RPS6KA5: variants seen among roughly 807,000 people sequenced by gnomAD.
The protein encoded by RPS6KA5 is ribosomal protein S6 kinase A5, also known as ribosomal protein S6 kinase alpha-5.
A neutral mutation model predicts 85.5 loss-of-function variants in RPS6KA5; 27 were observed. The ratio of observed to expected loss-of-function variants is 0.32; its 90% CI spans 0.23 to 0.44. RPS6KA5 has a LOEUF of 0.44. RPS6KA5 is among the 20% of genes least tolerant of loss of function. RPS6KA5 has a pLI of 1.00. For missense variants in RPS6KA5, 811 were observed against 980.9 expected (o/e 0.83, Z 2.31); for synonymous variants, 334 against 348.2 (o/e 0.96, Z 0.46).
intron 3 of RPS6KA5, among the ~76,000 whole-genome samples, chr14:90,964,483 T>C (rs1434689351): frequency 6.6e-6 from 1 of 152,158 alleles, no homozygotes; most frequent in Non-Finnish European, 1.5e-5. Context: ...AGCACAGAAG[T>C]GTAGGATTTT....
chr14:90,990,919 T>C (rs1043237755), intron 2 of RPS6KA5, among the ~76,000 whole-genome samples: 1 of 152,096 alleles, frequency 6.6e-6, no homozygotes, highest in Non-Finnish European at 1.5e-5. Flanking sequence ...AAACTACATA[T>C]AGGGTACTAT....
intron 16 of RPS6KA5, among the ~76,000 whole-genome samples, chr14:90,873,058 A>G (rs1203742315): frequency 1.3e-5 from 2 of 150,608 alleles, no homozygotes; most frequent in Non-Finnish European, 3.0e-5. Context: ...TCCTTTCTCA[A>G]AATAATCCCT....
At chr14:90,994,773 C>A (rs1225571988) in intron 2 of RPS6KA5, among the ~76,000 whole-genome samples, 1 of 151,210 alleles carries the variant, frequency 6.6e-6, no homozygotes, top group Non-Finnish European at 1.5e-5. Flanking sequence ...GGGGTTTAAC[C>A]GTGTTAGCCA....
intron 12 of RPS6KA5, 80 bp downstream of exon 12, chr14:90,899,249 C>A: frequency 1.0e-6 from 1 of 972,112 alleles, no homozygotes. Context: ...GACCCAGCAG[C>A]ACCAACAAAA....
In RPS6KA5 at chr14:90,881,572, C is replaced by T. The variant is rs190928438; in HGVS notation, c.1837-6212G>A. Among the ~76,000 whole-genome samples, 25 of 152,182 alleles carry T rather than the reference C, an allele frequency of 1.6e-4. No individual in the cohort carries two copies. In the East Asian group the frequency reaches 4.9e-3, roughly 30 times the overall value. On this transcript the variant is annotated intron_variant, in intron 14 of 16. Transcript: ENST00000614987. ...CCAGAGTGCAATGGCACAATGTTGG[C>T]TCACTGCAACCTCTGCCTCCTGGGT...
intron 2 of RPS6KA5, among the ~76,000 whole-genome samples, chr14:90,978,767 A>G (rs1056804417): frequency 6.6e-6 from 1 of 152,160 alleles, no homozygotes; most frequent in Non-Finnish European, 1.5e-5. Flanking sequence ...TTACTCTTTT[A>G]CTGTTATTCT....
At position 90,869,931 on chromosome 14, in the gene RPS6KA5, C is replaced by T. The variant is rs962107604; in HGVS notation, c.*2143G>A. On this transcript the variant is annotated 3_prime_UTR_variant, in exon 17 of 17. Coordinates refer to ENST00000614987, the MANE Select transcript of RPS6KA5 (RefSeq NM_004755.4). The stretch of plus-strand genomic sequence containing the variant: ...GTTGACAGCTAGCCTATCTTTCCTT[C>T]TTCCTGTTAGTCTGACTGCCTTTTT... 2.6e-5 allele frequency: 4 copies of T among 152,226 alleles called. No homozygotes were observed. The highest frequency in any genetic ancestry group is 5.9e-5 in the Non-Finnish European group (4 of 68,034). The allele number at this position is 152,226 out of a possible 1,614,324, so 9.4% of individuals were successfully genotyped here.
intron 5 of RPS6KA5, among the ~76,000 whole-genome samples, chr14:90,942,373 C>T (rs963541421): frequency 6.6e-6 from 1 of 152,142 alleles, no homozygotes; most frequent in Admixed American, 6.5e-5. Context: ...ACGAAACTAA[C>T]ATTCAAATTT....
chr14:90,928,885 C>T (rs1274541416), intron 5 of RPS6KA5, among the ~76,000 whole-genome samples: 4 of 151,776 alleles, frequency 2.6e-5, no homozygotes, highest in African/African-American at 9.7e-5. Flanking sequence ...TAAAATGTGA[C>T]AAATGCAATT....
chr14:90,883,151 G>T (rs1035660717), intron 14 of RPS6KA5, among the ~76,000 whole-genome samples: 2 of 152,044 alleles, frequency 1.3e-5, no homozygotes, highest in African/African-American at 2.4e-5. Flanking sequence ...TTTCTTAGTT[G>T]TTTATATTGT....
chr14:90,941,220 A>T (rs962588900), intron 5 of RPS6KA5, among the ~76,000 whole-genome samples: 3 of 151,906 alleles, frequency 2.0e-5, no homozygotes, highest in South Asian at 2.1e-4. Flanking sequence ...TCACAAAACT[A>T]TTTTTTTTAA....
chr14:91,005,416 C>G (rs547775331), intron 1 of RPS6KA5, among the ~76,000 whole-genome samples: 1 of 152,182 alleles, frequency 6.6e-6, no homozygotes, highest in South Asian at 2.1e-4. Context: ...GTTTTTTGCC[C>G]CTGTTCCTGA....
intron 5 of RPS6KA5, among the ~76,000 whole-genome samples, chr14:90,935,223 T>A (rs1432377054): frequency 6.6e-6 from 1 of 152,190 alleles, no homozygotes; most frequent in Admixed American, 6.5e-5. Flanking sequence ...ACGTACATTA[T>A]AACAGCAGAA....
chr14:91,005,800 A>G (rs1428523585), intron 1 of RPS6KA5, among the ~76,000 whole-genome samples: 1 of 152,004 alleles, frequency 6.6e-6, no homozygotes, highest in Non-Finnish European at 1.5e-5. Flanking sequence ...ACAGTATTAG[A>G]ACAAGACTTA....
At chr14:90,915,324 T>G (rs1014101500) in intron 7 of RPS6KA5, among the ~76,000 whole-genome samples, 2 of 152,124 alleles carry the variant, frequency 1.3e-5, no homozygotes, top group Non-Finnish European at 2.9e-5. Flanking sequence ...TAACCAATAC[T>G]GGGTACAGAA....
chr14:90,995,684 T>G (rs2040487020), intron 2 of RPS6KA5, among the ~76,000 whole-genome samples: 1 of 152,154 alleles, frequency 6.6e-6, no homozygotes, highest in African/African-American at 2.4e-5. Flanking sequence ...GAATTTTCCT[T>G]ACTTTTGCCA....
At chr14:90,916,824 A>T (rs2036142067) in intron 7 of RPS6KA5, among the ~76,000 whole-genome samples, 1 of 152,216 alleles carries the variant, frequency 6.6e-6, no homozygotes, top group Non-Finnish European at 1.5e-5. Context: ...AAACAATCTG[A>T]TTCAGGCTCT....
rs1318404817 is a variant in RPS6KA5 at position 90,868,486 on chromosome 14, C to T, written c.*3588G>A. The T allele has an allele frequency of 6.6e-6, 1 of 152,086 alleles. No individual in the cohort carries two copies. The highest frequency in any genetic ancestry group is 1.5e-5 in the Non-Finnish European group (1 of 68,000). The allele number at this position is 152,086 out of a possible 1,614,324, so 9.4% of individuals were successfully genotyped here. The stretch of plus-strand genomic sequence containing the variant: ...TTCATCTATATAACAATTATTTTGA[C>T]ATAAGTGGCATATCAGAATTTAACT... On this transcript the variant is annotated 3_prime_UTR_variant, in exon 17 of 17. Transcript: ENST00000614987.
At chr14:90,937,042 A>G (rs2037297607) in intron 5 of RPS6KA5, among the ~76,000 whole-genome samples, 1 of 152,028 alleles carries the variant, frequency 6.6e-6, no homozygotes, top group African/African-American at 2.4e-5. Context: ...TACAGCATAA[A>G]AAAAAGAAGA....
Sources: allele counts gnomAD v4.1 joint callset (sites outside exome capture counted in the v4.1 genomes callset), GRCh38; gene constraint gnomAD v4.1.1; transcripts MANE v1.5; gene names NCBI Gene and HGNC (gene_info 2026-07-23, HGNC 2026-07-21).